The following PRPF38A variants were observed in gnomAD, a reference collection of about 807,000 sequenced individuals.
PRPF38A encodes the protein pre-mRNA-splicing factor 38A.
A neutral mutation model predicts 46.8 loss-of-function variants in PRPF38A; 11 were observed. That is an observed-to-expected ratio of 0.24 (90% CI 0.15 to 0.39). The LOEUF (loss-of-function observed/expected upper bound fraction) is 0.39, where lower values mean the gene tolerates loss of function less well. PRPF38A is among the 10% of genes least tolerant of loss of function. The pLI is 1.00. For missense variants in PRPF38A, 261 were observed against 407.5 expected (o/e 0.64, Z 3.10); for synonymous variants, 124 against 136.2 (o/e 0.91, Z 0.62).
rs931223691 is a variant in PRPF38A at position 52,417,531 on chromosome 1, C to G, written c.*841C>G. The stretch of plus-strand genomic sequence containing the variant: ...CAGAAAATACAGCAGGAAGAGACAG[C>G]TTTTAGAGGGGCAGAGAATTAGAGG... On this transcript the variant is annotated 3_prime_UTR_variant, in exon 10 of 10. Coordinates refer to ENST00000257181, the MANE Select transcript of PRPF38A (RefSeq NM_032864.4). 6.6e-6 allele frequency: 1 copy of G among 152,120 alleles called. No individual in the cohort carries two copies. Among genetic ancestry groups the G allele is most frequent in the Admixed American group, 6.5e-5 (1 of 15,272 alleles). 9.4% of individuals were successfully genotyped at this position (152,120 alleles called of 1,614,324 possible).
At chr1:52,411,357 G>A (rs1648145110) in intron 4 of PRPF38A, among the ~76,000 whole-genome samples, 157 bp downstream of exon 4, 1 of 152,178 alleles carries the variant, frequency 6.6e-6, no homozygotes, top group African/African-American at 2.4e-5. Flanking sequence ...TAGTGGATTG[G>A]GAGTGAGAGG....
In PRPF38A at chr1:52,417,672, A is replaced by G. The variant is rs746554863; in HGVS notation, c.*982A>G. Reference sequence around the variant, plus strand: ...GGAGATAGGGACCAGAGTTTAACATAGCGATCTAGGCCAGAATTGACAATG... The same window carrying G: ...GGAGATAGGGACCAGAGTTTAACATGGCGATCTAGGCCAGAATTGACAATG... On this transcript the variant is annotated 3_prime_UTR_variant, in exon 10 of 10. Transcript: ENST00000257181. The G allele has an allele frequency of 9.2e-5, 14 of 152,240 alleles. No homozygotes were observed. The highest frequency in any genetic ancestry group is 9.2e-4 in the Admixed American group (14 of 15,280). The allele number at this position is 152,240 out of a possible 1,614,324, so 9.4% of individuals were successfully genotyped here. A position where few individuals can be genotyped will look rare whatever the true frequency, so the allele number is the denominator to read the frequency against.
At chr1:52,411,601 CG>C (rs1648151416) in intron 4 of PRPF38A, among the ~76,000 whole-genome samples, 1 of 151,960 alleles carries the variant, frequency 6.6e-6, no homozygotes, top group Admixed American at 6.6e-5. Flanking sequence ...ACTTCATGAA[CG>C]TTTTTTTTAA....
intron 5 of PRPF38A, 92 bp downstream of exon 5, chr1:52,412,716 T>C (rs1648180593): frequency 4.8e-6 from 4 of 830,318 alleles, no homozygotes; most frequent in African/African-American, 1.7e-5. Flanking sequence ...TTTAACTCTA[T>C]TGGCCGGGCG....
At chr1:52,410,506 A>ATT (rs535162950) in intron 3 of PRPF38A, among the ~76,000 whole-genome samples, 10 of 142,762 alleles carry the variant, frequency 7.0e-5, no homozygotes, top group South Asian at 2.2e-4. Flanking sequence ...TAGACATATA[A>ATT]TTTTTTTTTT....
rs981682414 is a variant in PRPF38A, at chr1:52,415,269, G to A, written c.848-69G>A. On this transcript the variant is annotated intron_variant, in intron 8 of 9. Transcript: ENST00000257181. ...TATTAAGCCAATGGCAGGTATTAGG[G>A]GAGGTGAGAATGACAGTTTAATAAG... is the stretch of plus-strand genomic sequence containing the variant. 30 of 1,486,130 alleles carry A rather than the reference G, an allele frequency of 2.0e-5. No homozygotes were observed. In the African/African-American group the frequency reaches 3.6e-4, roughly 18 times the overall value. 92.1% of individuals were successfully genotyped at this position (1,486,130 alleles called of 1,614,324 possible).
In PRPF38A at chr1:52,416,651, TAAGAAGAGCCAC is replaced by T. The variant is rs1303134938; in HGVS notation, c.911_922del (p.His304_Ser307del). ...TTTATATGTGTTGCCATTTCAGGTC[TAAGAAGAGCCAC>T]AAGAAGAGCCGGAGAGGGAATGAGT... On this transcript the variant is annotated inframe_deletion, in exon 10 of 10. Transcript: ENST00000257181. 1.2e-6 allele frequency: 2 copies of T among 1,612,606 alleles called. No individual in the cohort carries two copies. The highest frequency in any genetic ancestry group is 1.7e-6 in the Non-Finnish European group (2 of 1,178,732).
chr1:52,405,726 C>T lies in PRPF38A; in HGVS notation c.177C>T (p.Gly59=), dbSNP rs374112053. The T allele has an allele frequency of 9.0e-5, 146 of 1,613,800 alleles. No homozygotes were observed. In the African/African-American group the frequency reaches 1.4e-3, roughly 15 times the overall value. ...DKAMELRFVG[G]VYGGNIKPTP... ...CCATGGAGTTAAGGTTTGTGGGTGG[C>T]GTCTATGGTGGCAACATAAAACCAA... is the stretch of plus-strand genomic sequence containing the variant. Residue 59 remains glycine, a synonymous_variant, in exon 2 of 10, where the codon GGC becomes GGT. Coordinates refer to ENST00000257181, the MANE Select transcript of PRPF38A (RefSeq NM_032864.4).
chr1:52,415,818 C>T (rs1367829729), intron 9 of PRPF38A, among the ~76,000 whole-genome samples: 2 of 143,312 alleles, frequency 1.4e-5, no homozygotes, highest in Non-Finnish European at 3.0e-5. Context: ...GTGCCATATA[C>T]CGTTGGGTGC....
chr1:52,415,286 T>TAAAC, intron 8 of PRPF38A, 52 bp from the exon 9 acceptor site: 1 of 1,577,956 alleles, frequency 6.3e-7, no homozygotes, highest in Admixed American at 1.7e-5. Flanking sequence ...AGAATGACAG[T>TAAAC]TTAATAAGAG....
intron 3 of PRPF38A, 45 bp from the exon 4 acceptor site, chr1:52,411,070 A>C: frequency 1.4e-6 from 2 of 1,433,796 alleles, no homozygotes; most frequent in Non-Finnish European, 2.0e-6. Context: ...TGGCATCTAA[A>C]TCTTTTATTT....
At chr1:52,408,110 G>C (rs990478454) in intron 2 of PRPF38A, among the ~76,000 whole-genome samples, 1 of 151,440 alleles carries the variant, frequency 6.6e-6, no homozygotes, top group Non-Finnish European at 1.5e-5. Flanking sequence ...GCATGGTGGC[G>C]GGCGCCTGTA....
At chr1:52,410,463 A>G (rs934377897) in intron 3 of PRPF38A, among the ~76,000 whole-genome samples, 3 of 148,892 alleles carry the variant, frequency 2.0e-5, no homozygotes, top group Admixed American at 6.7e-5. Context: ...ATATAGATGT[A>G]TATATATATA....
chr1:52,414,608 C>G lies in PRPF38A; in HGVS notation c.723-13C>G, dbSNP rs760153385. 2.5e-6 allele frequency: 4 copies of G among 1,613,128 alleles called. No homozygotes were observed. Among genetic ancestry groups the G allele is most frequent in the South Asian group, 2.2e-5 (2 of 91,010 alleles). On this transcript the variant is annotated splice_polypyrimidine_tract_variant and intron_variant, in intron 6 of 9. Coordinates refer to ENST00000257181, the MANE Select transcript of PRPF38A (RefSeq NM_032864.4). ...CGCCAACCTAGGCTTTCTTCTTCCT[C>G]TCCTCTTTATAGGCGGAGTCGATCT...
chr1:52,406,530 C>A (rs1254176675), intron 2 of PRPF38A, among the ~76,000 whole-genome samples: 1 of 146,854 alleles, frequency 6.8e-6, no homozygotes, highest in Non-Finnish European at 1.5e-5. Flanking sequence ...TTAACTATGA[C>A]ATTGGAGAGG....
intron 3 of PRPF38A, 32 bp from the exon 4 acceptor site, chr1:52,411,083 A>G (rs914239297): frequency 2.0e-6 from 3 of 1,514,650 alleles, no homozygotes; most frequent in African/African-American, 1.4e-5. Flanking sequence ...TTTTATTTCC[A>G]GGTTGTTTGC....
At position 52,404,847 on chromosome 1, in the gene PRPF38A, A is replaced by C; in HGVS notation, c.98A>C (p.Lys33Thr). 1 of 1,614,240 alleles carries C rather than the reference A, an allele frequency of 6.2e-7. No individual in the cohort carries two copies. The highest frequency in any genetic ancestry group is 8.5e-7 in the Non-Finnish European group (1 of 1,180,022). Residue 33 changes from lysine (K) to threonine (T), a missense_variant, in exon 1 of 10, where the codon AAG (lysine) becomes ACG (threonine). Transcript: ENST00000257181. The stretch of plus-strand genomic sequence containing the variant: ...ATTCGAACGCGAATCTATGAGTCCA[A>C]GTACTGGAAAGAGGAGTGCTTTGGA... ...KIIRTRIYESKYWKEECFGLT... is the reference protein window; with the variant it reads ...KIIRTRIYESTYWKEECFGLT...
intron 4 of PRPF38A, 141 bp downstream of exon 4, chr1:52,411,341 C>A: frequency 1.6e-6 from 1 of 606,620 alleles, no homozygotes; most frequent in Non-Finnish European, 2.9e-6. Context: ...TCTGGGAGTC[C>A]CAAGATAGTG....
intron 3 of PRPF38A, among the ~76,000 whole-genome samples, chr1:52,409,932 A>G (rs533524077): frequency 1.1e-4 from 16 of 152,166 alleles, no homozygotes; most frequent in African/African-American, 2.6e-4. Context: ...GGGGATGGGC[A>G]TGTGCAAAAT....
Sources: allele counts gnomAD v4.1 joint callset (sites outside exome capture counted in the v4.1 genomes callset), GRCh38; gene constraint gnomAD v4.1.1; transcripts MANE v1.5; gene names NCBI Gene and HGNC (gene_info 2026-07-23, HGNC 2026-07-21).